ZNRF3: variants seen among roughly 807,000 people sequenced by gnomAD.
ZNRF3 encodes the protein E3 ubiquitin-protein ligase ZNRF3.
In ZNRF3, 23 loss-of-function variants were observed where a neutral mutation model predicts 72.5. The ratio of observed to expected loss-of-function variants is 0.32; its 90% CI spans 0.23 to 0.45. The LOEUF is 0.45. Among genes scored for constraint, ZNRF3 ranks in the 20% least tolerant of loss-of-function variants. The probability of loss-of-function intolerance (pLI) is 1.00; values close to 1 mark genes in which losing one functional copy is unlikely to be tolerated. For missense variants in ZNRF3, 1,169 were observed against 1,272.1 expected (o/e 0.92, Z 1.23); for synonymous variants, 610 against 545.3 (o/e 1.12, Z -1.65).
chr22:28,908,529 A>G (rs2034255197), intron 1 of ZNRF3, among the ~76,000 whole-genome samples: 1 of 152,192 alleles, frequency 6.6e-6, no homozygotes, highest in Non-Finnish European at 1.5e-5. Flanking sequence ...TGGGGCCTGT[A>G]CGTGGTGATG....
At chr22:29,032,924 A>G (rs1038424121) in intron 2 of ZNRF3, among the ~76,000 whole-genome samples, 1 of 152,232 alleles carries the variant, frequency 6.6e-6, no homozygotes, top group Non-Finnish European at 1.5e-5. Flanking sequence ...CTGAGGGAAT[A>G]ATACCTGAAC....
intron 1 of ZNRF3, among the ~76,000 whole-genome samples, chr22:28,983,301 A>G (rs1191594112): frequency 7.0e-6 from 1 of 141,974 alleles, no homozygotes; most frequent in Non-Finnish European, 1.5e-5. Flanking sequence ...AATGTGGCCC[A>G]GGGCACCAGC....
chr22:29,020,763 T>TGTG (rs1569284145), intron 2 of ZNRF3, among the ~76,000 whole-genome samples: 3,782 of 66,762 alleles, frequency 0.057, 201 homozygotes, highest in African/African-American at 0.097. Context: ...GGCTTTGTTT[T>TGTG]TGTGTGTGTG....
intron 1 of ZNRF3, among the ~76,000 whole-genome samples, chr22:28,960,106 G>A (rs2035330245): frequency 1.3e-5 from 2 of 152,276 alleles, no homozygotes; most frequent in South Asian, 2.1e-4. Context: ...TTTGGTCTGG[G>A]CAAGTCATTT....
At chr22:28,970,430 A>G (rs974370) in intron 1 of ZNRF3, among the ~76,000 whole-genome samples, 14,848 of 152,288 alleles carry the variant, frequency 0.097, 1,574 homozygotes, top group African/African-American at 0.26. Context: ...CCAAAATGGC[A>G]CAGTTCCTTC....
intron 1 of ZNRF3, among the ~76,000 whole-genome samples, chr22:28,915,192 G>T (rs975853388): frequency 1.3e-5 from 2 of 152,310 alleles, no homozygotes; most frequent in Non-Finnish European, 2.9e-5. Context: ...GATTCTGAAG[G>T]CTAGAAGTCC....
chr22:29,042,507 G>T lies in ZNRF3; in HGVS notation c.439G>T (p.Val147Leu), dbSNP rs183897743. 1.2e-4 allele frequency: 196 copies of T among 1,613,046 alleles called. No individual in the cohort carries two copies. In the East Asian group the frequency reaches 4.0e-3, roughly 33 times the overall value. ...LTVLGKAKRAVQRGATAVIFD... is the reference protein window; with the variant it reads ...LTVLGKAKRALQRGATAVIFD... ...TTAACTCTGGCAGGCCAAGCGAGCA[G>T]TACAGCGGGGAGCTACTGCAGTCAT... The change falls in exon 3 of 9, where the codon GTA becomes TTA. Residue 147 changes from valine to leucine, a missense_variant. Physicochemically the swap from Val to Leu is conservative, Grantham distance 32 (BLOSUM62 1). This residue lies in a region of ZNRF3 where 386 missense variants were observed against 540.7 expected (regional missense o/e 0.71). Transcript: ENST00000544604.
chr22:29,022,600 A>G (rs544469730), intron 2 of ZNRF3, among the ~76,000 whole-genome samples: 3 of 152,242 alleles, frequency 2.0e-5, no homozygotes, highest in Non-Finnish European at 2.9e-5. Context: ...TGGGGGAAAA[A>G]GAACCCACAA....
chr22:28,948,186 A>T (rs2035089358), intron 1 of ZNRF3, among the ~76,000 whole-genome samples: 1 of 150,742 alleles, frequency 6.6e-6, no homozygotes, highest in Non-Finnish European at 1.5e-5. Flanking sequence ...TTTAAAAAAG[A>T]TGTGGTCCTG....
intron 2 of ZNRF3, among the ~76,000 whole-genome samples, chr22:29,002,609 C>T (rs766384377): frequency 9.9e-5 from 15 of 152,180 alleles, no homozygotes; most frequent in Non-Finnish European, 2.1e-4. Context: ...TTTGCTGATG[C>T]GCACCAGACT....
chr22:29,049,241 C>T lies in ZNRF3; in HGVS notation c.1060C>T (p.Leu354Phe). Residue 354 changes from leucine (L) to phenylalanine (F), a missense_variant, in exon 8 of 9, where the codon CTC (leucine) becomes TTC (phenylalanine). Around this residue, in one of 2 missense-constraint regions of ZNRF3, gnomAD observed 386 missense variants for 540.7 expected, o/e 0.71. Coordinates refer to ENST00000544604, the MANE Select transcript of ZNRF3 (RefSeq NM_001206998.2). This position sits in a 1 kb window ranked among gnomAD's most constrained non-coding sequence, Gnocchi z 5.2. ...CGCGGTGTGTGTGGAGACCAGCAAC[C>T]TCTCACGTGGTCGGCAGCAGAGGGT... ...PSAVCVETSNLSRGRQQRVTL... is the reference protein window; with the variant it reads ...PSAVCVETSNFSRGRQQRVTL... 1.9e-6 allele frequency: 3 copies of T among 1,612,596 alleles called. No homozygotes were observed. Among genetic ancestry groups the T allele is most frequent in the East Asian group, 4.5e-5 (2 of 44,868 alleles).
intron 2 of ZNRF3, among the ~76,000 whole-genome samples, chr22:28,995,351 G>A (rs1305211877): frequency 6.6e-6 from 1 of 152,114 alleles, no homozygotes; most frequent in Non-Finnish European, 1.5e-5. Context: ...GGAGAATGGC[G>A]TGAGCCCAGG....
rs2035857600 is a variant in ZNRF3 at position 28,986,564 on chromosome 22, A to C, written c.301-512A>C. ...TTCCCAGTAACCAGGGGTAGCCTTT[A>C]AACAGCCTGTTAATTACACTGGTGA... On this transcript the variant is annotated intron_variant, in intron 1 of 8. Coordinates refer to ENST00000544604, the MANE Select transcript of ZNRF3 (RefSeq NM_001206998.2). 4.1e-6 allele frequency: 4 copies of C among 973,352 alleles called. No homozygotes were observed. In the South Asian group the frequency reaches 1.4e-4, roughly 35 times the overall value. The allele number at this position is 973,352 out of a possible 1,614,324, so 60.3% of individuals were successfully genotyped here.
At position 29,049,441 on chromosome 22, in the gene ZNRF3, AC is replaced by A; in HGVS notation, c.1264del (p.Leu422SerfsTer30). On this transcript the variant is annotated frameshift_variant, in exon 8 of 9. Transcript: ENST00000544604. LOFTEE classifies it high-confidence loss of function. This position sits in a 1 kb window ranked among gnomAD's most constrained non-coding sequence, Gnocchi z 5.2. Reference protein sequence around the residue: ...QTPAYIRSYPPLHLDHSLAAH... With the variant: ...QTPAYIRSYPXLHLDHSLAAH... ...CCCCCGCCTACATCCGCAGCTACCCACCCCTCCACCTGGACCACAGCCTGGC... is the reference window on the plus strand; with the variant it reads ...CCCCCGCCTACATCCGCAGCTACCCACCCTCCACCTGGACCACAGCCTGGC... 6.2e-7 allele frequency: 1 copy of A among 1,601,942 alleles called. No homozygotes were observed.
intron 2 of ZNRF3, among the ~76,000 whole-genome samples, chr22:28,991,710 C>T (rs764216198): frequency 3.3e-5 from 5 of 152,040 alleles, no homozygotes; most frequent in East Asian, 1.9e-4. Context: ...ATAAGCAAAT[C>T]GAGTCCTAGA....
chr22:28,944,754 CAAAA>C lies in ZNRF3; in HGVS notation c.301-42306_301-42303del, dbSNP rs35578297. On this transcript the variant is annotated intron_variant, in intron 1 of 8. Coordinates refer to ENST00000544604, the MANE Select transcript of ZNRF3 (RefSeq NM_001206998.2). ...TAGGTGACAAAGCGAGACTCCATCT[CAAAA>C]AAAAAAAAAAAAAAAGATTAGCGGG... Among the ~76,000 whole-genome samples, 3 of 88,236 alleles carry C rather than the reference CAAAA, an allele frequency of 3.4e-5. No individual in the cohort carries two copies. In the South Asian group the frequency reaches 1.2e-3, roughly 36 times the overall value. 57.9% of individuals were successfully genotyped at this position (88,236 alleles called of 152,430 possible).
chr22:29,046,613 G>T, intron 5 of ZNRF3, 103 bp from the exon 6 acceptor site: 2 of 1,278,644 alleles, frequency 1.6e-6, no homozygotes. Context: ...CGGCATGATA[G>T]AGAATTGTCT....
intron 1 of ZNRF3, among the ~76,000 whole-genome samples, chr22:28,912,173 A>T (rs2034330524): frequency 1.3e-5 from 2 of 152,306 alleles, no homozygotes; most frequent in Non-Finnish European, 2.9e-5. Flanking sequence ...GAATGTTTAA[A>T]GTAGAAATAT....
At chr22:28,974,117 C>T (rs1027136366) in intron 1 of ZNRF3, among the ~76,000 whole-genome samples, 15 of 152,032 alleles carry the variant, frequency 9.9e-5, no homozygotes, top group African/African-American at 2.9e-4. Context: ...ACCATCATGC[C>T]CGGCTAATTT....
Sources: gnomAD v4.1 joint callset for allele counts (sites outside exome capture counted in the v4.1 genomes callset) on GRCh38, gnomAD v4.1.1 for gene constraint, gnomAD v4.1.1 regional missense constraint, Gnocchi (gnomAD v3.1) non-coding constraint, MANE v1.5 for transcripts, NCBI Gene and HGNC (gene_info 2026-07-23, HGNC 2026-07-21) for gene names.